The following SV2C variants were observed in gnomAD, a reference collection of about 807,000 sequenced individuals.
SV2C encodes the protein solute carrier family 22 member B3.
Under a neutral mutation model 79.7 loss-of-function variants are expected in SV2C, and 49 were observed. That is an observed-to-expected ratio of 0.61 (90% CI 0.49 to 0.78). The LOEUF is 0.78. Among genes scored for constraint, SV2C ranks in the 30% least tolerant of loss-of-function variants. The pLI is 0.00. For synonymous variants in SV2C, 334 were observed against 333.2 expected (o/e 1.00, Z -0.03); for missense variants, 833 against 912.9 (o/e 0.91, Z 1.13).
At chr5:76,031,429 A>G in the SV2C span, among the ~76,000 whole-genome samples, 261 of 152,322 alleles carry the variant, frequency 1.7e-3, 7 homozygotes, top group East Asian at 0.049. Flanking sequence ...GGCAAGACCT[A>G]CACACCCCTT....
At chr5:76,289,496 G>C (rs1035101922) in intron 6 of SV2C, among the ~76,000 whole-genome samples, 10 of 152,042 alleles carry the variant, frequency 6.6e-5, no homozygotes, top group African/African-American at 9.7e-5. Flanking sequence ...CCTCATCATT[G>C]CCCTAAATTT....
the SV2C span, among the ~76,000 whole-genome samples, chr5:76,009,219 T>A: frequency 1.1e-3 from 175 of 152,296 alleles, 1 homozygote; most frequent in Non-Finnish European, 2.1e-3. Flanking sequence ...AGATAGCATC[T>A]CATACCAGTC....
intron 2 of SV2C, among the ~76,000 whole-genome samples, chr5:76,155,997 G>A (rs1742712956): frequency 6.7e-6 from 1 of 149,074 alleles, no homozygotes; most frequent in Admixed American, 6.7e-5. Context: ...AGGCAATGGG[G>A]AAGAGATTGG....
At chr5:75,860,779 C>T in the SV2C span, among the ~76,000 whole-genome samples, 3 of 152,156 alleles carry the variant, frequency 2.0e-5, no homozygotes, top group African/African-American at 7.2e-5. Flanking sequence ...AGAAATAAAA[C>T]CACACACCTA....
chr5:75,956,365 G>A, the SV2C span, among the ~76,000 whole-genome samples: 2 of 137,086 alleles, frequency 1.5e-5, no homozygotes, highest in Non-Finnish European at 3.1e-5. Flanking sequence ...ATGGACACAG[G>A]AGGGGAAACA....
At chr5:76,340,980 G>T (rs1749430713) in intron 12 of SV2C, among the ~76,000 whole-genome samples, 1 of 147,166 alleles carries the variant, frequency 6.8e-6, no homozygotes, top group Non-Finnish European at 1.5e-5. Context: ...GCCCAGGCTG[G>T]AGTGCACTAG....
At chr5:75,960,428 T>C in the SV2C span, among the ~76,000 whole-genome samples, 1 of 151,922 alleles carries the variant, frequency 6.6e-6, no homozygotes, top group African/African-American at 2.4e-5. Flanking sequence ...ATGTCATAGC[T>C]GTTATAAGAT....
At chr5:75,946,669 A>T in the SV2C span, among the ~76,000 whole-genome samples, 1 of 152,096 alleles carries the variant, frequency 6.6e-6, no homozygotes, top group Admixed American at 6.6e-5. Context: ...AACAAGGTAG[A>T]CTCGAAGGCT....
chr5:75,997,446 C>G, the SV2C span, among the ~76,000 whole-genome samples: 2 of 151,846 alleles, frequency 1.3e-5, no homozygotes. Context: ...ACTCATCTGA[C>G]AAAGGGCTAA....
upstream of SV2C, chr5:76,078,725 G>A: frequency 1.8e-6 from 1 of 551,560 alleles, no homozygotes. Flanking sequence ...CTGATGGCAA[G>A]ACCATTCTAA....
the SV2C span, among the ~76,000 whole-genome samples, chr5:75,966,432 G>C: frequency 6.6e-6 from 1 of 152,112 alleles, no homozygotes; most frequent in Non-Finnish European, 1.5e-5. Context: ...GGTCCCAACA[G>C]GATAAAATGA....
the SV2C span, among the ~76,000 whole-genome samples, chr5:75,966,982 TG>T: frequency 6.6e-6 from 1 of 152,164 alleles, no homozygotes; most frequent in East Asian, 1.9e-4. Flanking sequence ...TTAACATGAT[TG>T]TTGAGCATTG....
chr5:76,033,972 T>C, the SV2C span, among the ~76,000 whole-genome samples: 2,150 of 152,290 alleles, frequency 0.014, 59 homozygotes, highest in African/African-American at 0.048. Flanking sequence ...CCATCCCTTG[T>C]AAGTTGGATT....
At chr5:75,928,732 C>T in the SV2C span, among the ~76,000 whole-genome samples, 1 of 152,112 alleles carries the variant, frequency 6.6e-6, no homozygotes, top group Non-Finnish European at 1.5e-5. Flanking sequence ...TCTGTGTCAT[C>T]CCTCTGTGGT....
chr5:76,131,538 C>G, intron 1 of SV2C, 112 bp from the exon 2 acceptor site: 2 of 276,446 alleles, frequency 7.2e-6, no homozygotes, highest in African/African-American at 2.3e-5. Flanking sequence ...AAAGGAAAAA[C>G]TAATTCTGTG....
the SV2C span, among the ~76,000 whole-genome samples, chr5:75,878,061 T>C: frequency 6.6e-6 from 1 of 151,972 alleles, no homozygotes; most frequent in African/African-American, 2.4e-5. Flanking sequence ...TTAAAAAGGG[T>C]GAATTGTATG....
intron 12 of SV2C, 104 bp from the exon 13 acceptor site, chr5:76,325,260 C>T: frequency 8.1e-7 from 1 of 1,233,722 alleles, no homozygotes; most frequent in Non-Finnish European, 1.2e-6. Flanking sequence ...TGATATACAA[C>T]ACAATCTGAG....
the SV2C span, among the ~76,000 whole-genome samples, chr5:75,905,708 C>G: frequency 6.6e-6 from 1 of 152,024 alleles, no homozygotes; most frequent in Non-Finnish European, 1.5e-5. Flanking sequence ...CACTTATCAT[C>G]AGGGCCTCCC....
intron 4 of SV2C, among the ~76,000 whole-genome samples, chr5:76,270,052 G>A (rs2112471289): frequency 6.6e-6 from 1 of 152,278 alleles, no homozygotes; most frequent in Non-Finnish European, 1.5e-5. Flanking sequence ...TTGAGACAAA[G>A]GAGAAAGGGG....
Sources: gnomAD v4.1 joint callset for allele counts (sites outside exome capture counted in the v4.1 genomes callset) on GRCh38, gnomAD v4.1.1 for gene constraint, MANE v1.5 for transcripts, NCBI Gene and HGNC (gene_info 2026-07-23, HGNC 2026-07-21) for gene names.